NBEA: variants seen among roughly 807,000 people sequenced by gnomAD.
NBEA encodes lysosomal-trafficking regulator 2.
Under a neutral mutation model 343.4 loss-of-function variants are expected in NBEA, and 44 were observed. The ratio of observed to expected loss-of-function variants is 0.13; its 90% CI spans 0.10 to 0.16. NBEA has a LOEUF of 0.16. NBEA is among the 10% of genes least tolerant of loss of function. The pLI is 1.00. For synonymous variants in NBEA, 1,175 were observed against 1,238.7 expected (o/e 0.95, Z 1.08); for missense variants, 2,555 against 3,631.3 (o/e 0.70, Z 7.62).
chr13:35,184,655 C>T (rs1312733375), intron 30 of NBEA, among the ~76,000 whole-genome samples: 4 of 151,608 alleles, frequency 2.6e-5, no homozygotes, highest in Admixed American at 6.6e-5. Context: ...CTATCAGATA[C>T]GGACATTATA....
chr13:34,964,465 C>T (rs943960733), intron 1 of NBEA, among the ~76,000 whole-genome samples: 6 of 151,968 alleles, frequency 3.9e-5, no homozygotes, highest in Admixed American at 3.9e-4. Context: ...TAATAAACTA[C>T]TACACTTATT....
intron 35 of NBEA, among the ~76,000 whole-genome samples, chr13:35,307,519 T>TA (rs2036975484): frequency 6.6e-6 from 1 of 152,076 alleles, no homozygotes; most frequent in Admixed American, 6.6e-5. Context: ...TTGATTTTTT[T>TA]AGACAAGGCA....
chr13:35,006,249 A>G (rs888172064), intron 1 of NBEA, among the ~76,000 whole-genome samples: 1 of 151,696 alleles, frequency 6.6e-6, no homozygotes, highest in African/African-American at 2.4e-5. Context: ...TTTATTCAGC[A>G]TCCCCCTTTA....
chr13:35,341,289 A>G (rs1357994787), intron 36 of NBEA, among the ~76,000 whole-genome samples: 2 of 152,076 alleles, frequency 1.3e-5, no homozygotes. Flanking sequence ...TGTGAGAACT[A>G]TAACTATTAG....
At chr13:35,604,468 A>G (rs2082198474) in intron 47 of NBEA, among the ~76,000 whole-genome samples, 1 of 150,878 alleles carries the variant, frequency 6.6e-6, no homozygotes, top group Admixed American at 6.6e-5. Flanking sequence ...GTTCCACAAT[A>G]GGGCCCCTTT....
chr13:35,361,275 A>G (rs1004860058), intron 38 of NBEA, among the ~76,000 whole-genome samples: 8 of 152,108 alleles, frequency 5.3e-5, no homozygotes, highest in African/African-American at 1.9e-4. Context: ...TCAATGAAGT[A>G]TTAAGAGAAG....
At chr13:35,661,496 C>G (rs142192061) in intron 55 of NBEA, among the ~76,000 whole-genome samples, 1 of 152,296 alleles carries the variant, frequency 6.6e-6, no homozygotes, top group Admixed American at 6.5e-5. Flanking sequence ...GAAACCACAT[C>G]ATGGGTGAAT....
rs2079515049 is a variant in NBEA, at chr13:35,554,969, G to T, written c.6807-18G>T. 1 of 1,344,646 alleles carries T rather than the reference G, an allele frequency of 7.4e-7. No individual in the cohort carries two copies. Among genetic ancestry groups the T allele is most frequent in the African/African-American group, 1.4e-5 (1 of 69,268 alleles). The allele number at this position is 1,344,646 out of a possible 1,614,324, so 83.3% of individuals were successfully genotyped here. On this transcript the variant is annotated intron_variant, in intron 43 of 58. Coordinates refer to ENST00000379939, the MANE Select transcript of NBEA (RefSeq NM_001385012.1). Reference sequence around the variant, plus strand: ...GAATTAAAGAGACTATGTTTGTTATGCTGTGCTTAATTGCTAGGAGGATAT... The same window carrying T: ...GAATTAAAGAGACTATGTTTGTTATTCTGTGCTTAATTGCTAGGAGGATAT...
chr13:35,048,717 C>CT, intron 5 of NBEA, 33 bp downstream of exon 5: 1 of 1,127,700 alleles, frequency 8.9e-7, no homozygotes, highest in Non-Finnish European at 1.3e-6. Context: ...GTACTTTTTT[C>CT]TTTAAGTACT....
chr13:35,122,230 A>G, intron 16 of NBEA, among the ~76,000 whole-genome samples: 1 of 152,166 alleles, frequency 6.6e-6, no homozygotes, highest in East Asian at 1.9e-4. Flanking sequence ...AAACCTTACC[A>G]AAGGATTATA....
At chr13:35,082,707 A>C (rs924989423) in intron 10 of NBEA, among the ~76,000 whole-genome samples, 14 of 152,274 alleles carry the variant, frequency 9.2e-5, no homozygotes, top group African/African-American at 3.4e-4. Flanking sequence ...TTGCCTGCAA[A>C]AATGTCTTCT....
chr13:35,452,371 T>C, intron 40 of NBEA, 136 bp downstream of exon 40: 1 of 659,406 alleles, frequency 1.5e-6, no homozygotes. Context: ...AAAACTCTAC[T>C]TTATCTCATT....
intron 52 of NBEA, among the ~76,000 whole-genome samples, chr13:35,650,799 C>T (rs1352223639): frequency 2.0e-5 from 3 of 152,176 alleles, no homozygotes; most frequent in Admixed American, 2.0e-4. Flanking sequence ...GCCCAGTTTA[C>T]CACTTGGGAT....
intron 1 of NBEA, among the ~76,000 whole-genome samples, chr13:34,991,495 G>A (rs1349472036): frequency 6.6e-6 from 1 of 152,066 alleles, no homozygotes; most frequent in South Asian, 2.1e-4. Context: ...ACCACATCTT[G>A]TGAGAACTCA....
intron 40 of NBEA, among the ~76,000 whole-genome samples, chr13:35,462,737 A>C (rs1219022712): frequency 6.6e-6 from 1 of 152,190 alleles, no homozygotes; most frequent in African/African-American, 2.4e-5. Flanking sequence ...TGAGAGCCTC[A>C]AGTAAATTGG....
intron 47 of NBEA, among the ~76,000 whole-genome samples, chr13:35,600,994 T>G (rs1343608774): frequency 3.3e-5 from 5 of 152,124 alleles, no homozygotes; most frequent in Non-Finnish European, 7.3e-5. Context: ...CTGGCCAACA[T>G]GGCAAAACCC....
intron 36 of NBEA, among the ~76,000 whole-genome samples, chr13:35,333,507 C>T (rs1230401104): frequency 6.6e-6 from 1 of 151,968 alleles, no homozygotes; most frequent in Non-Finnish European, 1.5e-5. Context: ...ATGGGGTATC[C>T]AGCGCCTCAG....
chr13:35,586,856 A>G (rs185595751), intron 46 of NBEA, among the ~76,000 whole-genome samples: 3 of 152,318 alleles, frequency 2.0e-5, no homozygotes, highest in African/African-American at 7.2e-5. Flanking sequence ...ATGGACACAT[A>G]AAGAGCTTAT....
intron 48 of NBEA, among the ~76,000 whole-genome samples, chr13:35,625,444 C>G (rs2083182665): frequency 6.6e-6 from 1 of 151,972 alleles, no homozygotes; most frequent in African/African-American, 2.4e-5. Flanking sequence ...TGGCGAAACC[C>G]TGTCCCTGCA....
Sources: allele counts gnomAD v4.1 joint callset (sites outside exome capture counted in the v4.1 genomes callset), GRCh38; gene constraint gnomAD v4.1.1; transcripts MANE v1.5; gene names NCBI Gene and HGNC (gene_info 2026-07-23, HGNC 2026-07-21).